The following PTPN2 variants were observed in gnomAD, a reference collection of about 807,000 sequenced individuals.
PTPN2 encodes the protein protein tyrosine phosphatase non-receptor type 2.
In PTPN2, 19 loss-of-function variants were observed where a neutral mutation model predicts 57.3. The ratio of observed to expected loss-of-function variants is 0.33; its 90% CI spans 0.23 to 0.49. The LOEUF is 0.49. Ranked by LOEUF, PTPN2 falls within the 20% of genes least tolerant of loss-of-function variation. The probability of loss-of-function intolerance (pLI) is 0.99; values close to 1 mark genes in which losing one functional copy is unlikely to be tolerated. For missense variants in PTPN2, 358 were observed against 501.1 expected, an observed-to-expected ratio of 0.71 and a Z score of 2.73; for synonymous variants, 153 against 164.9, an observed-to-expected ratio of 0.93 and a Z score of 0.55.
intron 5 of PTPN2, among the ~76,000 whole-genome samples, chr18:12,822,631 C>G (rs1032065326): frequency 6.6e-6 from 1 of 152,152 alleles, no homozygotes; most frequent in Non-Finnish European, 1.5e-5. Context: ...TTAATAGATA[C>G]GTGTCAGACT....
At chr18:12,810,234 CAA>C (rs1465852942) in intron 7 of PTPN2, among the ~76,000 whole-genome samples, 2 of 152,086 alleles carry the variant, frequency 1.3e-5, no homozygotes, top group Admixed American at 6.6e-5. Context: ...CATGGTGGTG[CAA>C]GCCTGTAATC....
intron 4 of PTPN2, 36 bp downstream of exon 4, chr18:12,830,907 C>T (rs2042644586): frequency 7.0e-7 from 1 of 1,434,922 alleles, no homozygotes; most frequent in African/African-American, 1.4e-5. Flanking sequence ...TGATCACATA[C>T]AGTATACTAA....
At chr18:12,852,215 C>T (rs1365446987) in intron 2 of PTPN2, among the ~76,000 whole-genome samples, 1 of 151,772 alleles carries the variant, frequency 6.6e-6, no homozygotes, top group Non-Finnish European at 1.5e-5. Flanking sequence ...CACACACACA[C>T]ACACACACAC....
At chr18:12,811,623 T>A (rs2041892236) in intron 7 of PTPN2, among the ~76,000 whole-genome samples, 1 of 152,102 alleles carries the variant, frequency 6.6e-6, no homozygotes, top group Admixed American at 6.6e-5. Flanking sequence ...ATCAGCAGAC[T>A]CACTCGTGCC....
At chr18:12,787,346 G>A (rs1240659833), downstream of PTPN2, 1 of 152,206 alleles carries the variant, frequency 6.6e-6, no homozygotes, top group Non-Finnish European at 1.5e-5. Flanking sequence ...GTTCTGTCAT[G>A]TACTAGCTGT....
At chr18:12,785,711 A>C in exon 10 of PTPN2, 1 of 933,574 alleles carries the variant, frequency 1.1e-6, no homozygotes, top group East Asian at 2.5e-5. Flanking sequence ...ACTGTGAGGC[A>C]ATCTAGAGGG....
intron 2 of PTPN2, among the ~76,000 whole-genome samples, chr18:12,855,752 A>G (rs1435852107): frequency 1.3e-5 from 2 of 152,226 alleles, no homozygotes; most frequent in African/African-American, 2.4e-5. Context: ...CCCAAAGTGC[A>G]GAGAGGATGA....
In PTPN2 at chr18:12,874,148, G is replaced by A. The variant is rs1006204325; in HGVS notation, c.69+9925C>T. On this transcript the variant is annotated intron_variant, in intron 1 of 8. Transcript: ENST00000309660. ...TCCACCTGGCAGCCGCCCCGTCCAG[G>A]AGGGAGGTGGGGGTCAGCCCCCGCC... 2.0e-4 allele frequency among the ~76,000 whole-genome samples: 31 copies of A among 152,086 alleles called. 1 individual carries two copies. Among genetic ancestry groups the A allele is most frequent in the Admixed American group, 8.5e-4 (13 of 15,290 alleles).
intron 2 of PTPN2, among the ~76,000 whole-genome samples, chr18:12,839,710 C>A (rs1336810449): frequency 6.6e-6 from 1 of 152,120 alleles, no homozygotes; most frequent in African/African-American, 2.4e-5. Flanking sequence ...GCATCATCTG[C>A]CTTAATTCTT....
intron 1 of PTPN2, among the ~76,000 whole-genome samples, chr18:12,874,171 G>A (rs1345622602): frequency 3.3e-5 from 5 of 149,908 alleles, no homozygotes; most frequent in Non-Finnish European, 5.9e-5. Flanking sequence ...GTCAGCCCCC[G>A]CCAGGCGAGC....
At chr18:12,816,615 T>C (rs1310513400) in intron 6 of PTPN2, among the ~76,000 whole-genome samples, 1 of 152,236 alleles carries the variant, frequency 6.6e-6, no homozygotes, top group Non-Finnish European at 1.5e-5. Context: ...GGACTGGGAA[T>C]GACTGGTGGA....
chr18:12,801,807 G>C, intron 8 of PTPN2, 163 bp downstream of exon 8: 3 of 688,458 alleles, frequency 4.4e-6, no homozygotes, highest in South Asian at 1.8e-5. Flanking sequence ...AGACTCAAGT[G>C]ATCTTCCCTC....
At position 12,831,008 on chromosome 18, in the gene PTPN2, G is replaced by T; in HGVS notation, c.295C>A (p.Leu99Ile). The T allele has an allele frequency of 3.1e-6, 5 of 1,609,992 alleles. No homozygotes were observed. Among genetic ancestry groups the T allele is most frequent in the Non-Finnish European group, 4.3e-6 (5 of 1,176,404 alleles). ...PLPNTCCHFW[L>I]MVWQQKTKAV... is the part of the protein sequence containing the mutation. ...TTGGTCTTCTGCTGCCAAACCATAA[G>T]CCAGAAATGGCAGCATGTGTTAGGA... Residue 99 changes from leucine (L) to isoleucine (I), a missense_variant, in exon 4 of 9, where the codon CTT (leucine) becomes ATT (isoleucine). Physicochemically the swap from Leu to Ile is conservative, Grantham distance 5 (BLOSUM62 2). Transcript: ENST00000309660.
chr18:12,842,145 A>T (rs1185735422), intron 2 of PTPN2, among the ~76,000 whole-genome samples: 1 of 152,114 alleles, frequency 6.6e-6, no homozygotes, highest in Non-Finnish European at 1.5e-5. Flanking sequence ...ACCTCAGGTG[A>T]TCCACCTGCC....
At chr18:12,807,578 A>AT (rs1356091628) in intron 7 of PTPN2, among the ~76,000 whole-genome samples, 5 of 59,272 alleles carry the variant, frequency 8.4e-5, no homozygotes, top group South Asian at 1.7e-3. Context: ...GAAAAAAAAA[A>AT]AAAAAAAAAT....
Position 12,792,535 on chromosome 18 carries a change from C to G in PTPN2, c.*1743G>C, listed in dbSNP as rs2041015637. On this transcript the variant is annotated 3_prime_UTR_variant, in exon 9 of 9. Transcript: ENST00000309660. ...TGACCTCGTGATCCGCCCGCCTTGG[C>G]CTTCCGAAGTGCTGGGATTACAAGC... 1 of 152,558 alleles carries G rather than the reference C, an allele frequency of 6.6e-6. No homozygotes were observed. Among genetic ancestry groups the G allele is most frequent in the African/African-American group, 2.4e-5 (1 of 41,428 alleles). The allele number at this position is 152,558 out of a possible 1,614,324, so 9.5% of individuals were successfully genotyped here. A position where few individuals can be genotyped will look rare whatever the true frequency, so the allele number is the denominator to read the frequency against.
chr18:12,807,849 T>A (rs1457228658), intron 7 of PTPN2, among the ~76,000 whole-genome samples: 4 of 151,002 alleles, frequency 2.6e-5, no homozygotes, highest in Admixed American at 6.6e-5. Flanking sequence ...GGGGGATGAG[T>A]TCTGGTGTTT....
At chr18:12,865,908 C>G (rs1195140658) in intron 1 of PTPN2, among the ~76,000 whole-genome samples, 1 of 152,108 alleles carries the variant, frequency 6.6e-6, no homozygotes. Flanking sequence ...TATGAACTAG[C>G]TATTCTACTC....
intron 2 of PTPN2, among the ~76,000 whole-genome samples, chr18:12,843,620 T>G (rs2043119834): frequency 6.6e-6 from 1 of 152,130 alleles, no homozygotes; most frequent in Non-Finnish European, 1.5e-5. Flanking sequence ...GCTCCGCTGG[T>G]GGAGGGCAGC....
Sources: allele counts gnomAD v4.1 joint callset (sites outside exome capture counted in the v4.1 genomes callset), GRCh38; gene constraint gnomAD v4.1.1; transcripts MANE v1.5; gene names NCBI Gene and HGNC (gene_info 2026-07-23, HGNC 2026-07-21).